The following TFDP2 variants were observed in gnomAD, a reference collection of about 807,000 sequenced individuals.
TFDP2 encodes transcription factor Dp-2.
A neutral mutation model predicts 59.3 loss-of-function variants in TFDP2; 17 were observed. The observed-to-expected ratio is 0.29, with a 90% CI of 0.20 to 0.43. The LOEUF is 0.43. Ranked by LOEUF, TFDP2 falls within the 20% of genes least tolerant of loss-of-function variation. The pLI is 1.00. For missense variants in TFDP2, 391 were observed against 528.8 expected, an observed-to-expected ratio of 0.74 and a Z score of 2.56; for synonymous variants, 180 against 194.7, an observed-to-expected ratio of 0.92 and a Z score of 0.63.
intron 6 of TFDP2, among the ~76,000 whole-genome samples, chr3:141,989,794 C>G (rs1182728129): frequency 1.3e-5 from 2 of 152,060 alleles, no homozygotes; most frequent in Non-Finnish European, 2.9e-5. Flanking sequence ...TTTCACTTTT[C>G]ATTATAATAA....
At chr3:142,064,283 T>C (rs2060006519) in intron 3 of TFDP2, among the ~76,000 whole-genome samples, 1 of 152,084 alleles carries the variant, frequency 6.6e-6, no homozygotes, top group Non-Finnish European at 1.5e-5. Context: ...AACATCAGCT[T>C]CTCCTGAGAA....
At chr3:141,955,152 CACATT>C (rs1936440585) in intron 11 of TFDP2, among the ~76,000 whole-genome samples, 2 of 152,184 alleles carry the variant, frequency 1.3e-5, no homozygotes, top group Admixed American at 1.3e-4. Flanking sequence ...GTGAGCATAA[CACATT>C]ACATTCTCTT....
chr3:142,102,832 T>C (rs1343279979), intron 1 of TFDP2, among the ~76,000 whole-genome samples: 1 of 152,204 alleles, frequency 6.6e-6, no homozygotes, highest in Non-Finnish European at 1.5e-5. Flanking sequence ...TGAGGAAATA[T>C]CAGAGAAATC....
At chr3:142,028,264 TG>T (rs1369774376) in intron 3 of TFDP2, among the ~76,000 whole-genome samples, 1 of 152,172 alleles carries the variant, frequency 6.6e-6, no homozygotes, top group Non-Finnish European at 1.5e-5. Flanking sequence ...GTAATAACCA[TG>T]AAGTACCTTT....
chr3:142,045,099 T>C (rs1947262023), intron 3 of TFDP2, among the ~76,000 whole-genome samples: 1 of 152,140 alleles, frequency 6.6e-6, no homozygotes. Flanking sequence ...AAGTATAATT[T>C]TTTTCTGTTT....
chr3:142,120,298 C>T (rs1386731107), intron 1 of TFDP2, among the ~76,000 whole-genome samples: 2 of 149,634 alleles, frequency 1.3e-5, no homozygotes, highest in Non-Finnish European at 3.0e-5. Context: ...AGAGGTGGAG[C>T]TTGCAGTGAG....
intron 3 of TFDP2, among the ~76,000 whole-genome samples, chr3:142,082,967 G>T (rs144909308): frequency 2.6e-5 from 4 of 151,954 alleles, no homozygotes; most frequent in Non-Finnish European, 5.9e-5. Context: ...ACACAACAAG[G>T]AAGCCTACTT....
Position 141,950,467 on chromosome 3 carries a change from A to C in TFDP2, c.*2046T>G, listed in dbSNP as rs1201470444. 1.3e-5 allele frequency: 2 copies of C among 152,646 alleles called. No homozygotes were observed. Among genetic ancestry groups the C allele is most frequent in the African/African-American group, 4.8e-5 (2 of 41,468 alleles). 9.5% of individuals were successfully genotyped at this position (152,646 alleles called of 1,614,324 possible). A position where few individuals can be genotyped will look rare whatever the true frequency, so the allele number is the denominator to read the frequency against. On this transcript the variant is annotated 3_prime_UTR_variant, in exon 13 of 13. Coordinates refer to ENST00000489671, the MANE Select transcript of TFDP2 (RefSeq NM_001178139.2). ...TATCAATTTAAAGCATGAGAGCAGC[A>C]GAGATGGAGAGTAGAGAAAAAAACA...
In TFDP2 at chr3:142,033,204, G is replaced by A. The variant is rs1946521782; in HGVS notation, c.83-27660C>T. ...AGTGAGACTCTGTCTTATAAAAATA[G>A]ATAAATACATAAAATTAAATTTAAA... On this transcript the variant is annotated intron_variant, in intron 3 of 12. Coordinates refer to ENST00000489671, the MANE Select transcript of TFDP2 (RefSeq NM_001178139.2). 2.6e-5 allele frequency among the ~76,000 whole-genome samples: 4 copies of A among 152,206 alleles called. No individual in the cohort carries two copies. The South Asian group carries it at 8.3e-4, about 32-fold the overall frequency.
intron 3 of TFDP2, among the ~76,000 whole-genome samples, chr3:142,042,061 T>A (rs982944757): frequency 6.6e-6 from 1 of 152,224 alleles, no homozygotes; most frequent in Non-Finnish European, 1.5e-5. Context: ...TTACTGCAGC[T>A]TTATAGTAGG....
chr3:142,056,819 A>T lies in TFDP2; in HGVS notation c.82+36242T>A, dbSNP rs147286871. Among the ~76,000 whole-genome samples the T allele has an allele frequency of 1.9e-4, 29 of 152,268 alleles. No individual in the cohort carries two copies. The East Asian group carries it at 5.6e-3, about 29-fold the overall frequency. ...AATATGTGAGCCATCCTGGAAGGAC[A>T]TCTTCCAGCCCTAGTCCAGCCTGCA... is the stretch of plus-strand genomic sequence containing the variant. On this transcript the variant is annotated intron_variant, in intron 3 of 12. Coordinates refer to ENST00000489671, the MANE Select transcript of TFDP2 (RefSeq NM_001178139.2).
intron 11 of TFDP2, among the ~76,000 whole-genome samples, chr3:141,953,761 T>C (rs376374904): frequency 1.3e-5 from 2 of 149,926 alleles, no homozygotes; most frequent in Admixed American, 6.6e-5. Context: ...TAGGTATATC[T>C]CCTAATGCTA....
At chr3:142,013,944 T>G (rs1360363370) in intron 3 of TFDP2, among the ~76,000 whole-genome samples, 2 of 152,218 alleles carry the variant, frequency 1.3e-5, no homozygotes, top group African/African-American at 4.8e-5. Flanking sequence ...TTTTTTTGCT[T>G]GAATTAGCTT....
chr3:142,105,646 C>A (rs557454218), intron 1 of TFDP2, among the ~76,000 whole-genome samples: 1 of 152,218 alleles, frequency 6.6e-6, no homozygotes, highest in South Asian at 2.1e-4. Context: ...ACTATTTCAG[C>A]ACAATATAGT....
chr3:142,024,817 C>T (rs1945936168), intron 3 of TFDP2, among the ~76,000 whole-genome samples: 1 of 152,030 alleles, frequency 6.6e-6, no homozygotes, highest in Non-Finnish European at 1.5e-5. Flanking sequence ...GTCAGGAGTT[C>T]GAGACCAGCC....
At chr3:142,076,959 G>C (rs1026186281) in intron 3 of TFDP2, among the ~76,000 whole-genome samples, 13 of 152,212 alleles carry the variant, frequency 8.5e-5, no homozygotes, top group Admixed American at 3.3e-4. Context: ...GTAGGAAAGA[G>C]AGTCTTGAAC....
intron 5 of TFDP2, among the ~76,000 whole-genome samples, chr3:141,994,079 T>C (rs1225296389): frequency 6.6e-6 from 1 of 152,228 alleles, no homozygotes; most frequent in Non-Finnish European, 1.5e-5. Flanking sequence ...ATAACACCCA[T>C]AGGATTCCAG....
Position 141,974,111 on chromosome 3 carries a change from T to C in TFDP2, c.600A>G (p.Glu200=), listed in dbSNP as rs1351993702. Residue 200 remains glutamate, a synonymous_variant, in exon 8 of 13, where the codon GAA becomes GAG. Coordinates refer to ENST00000489671, the MANE Select transcript of TFDP2 (RefSeq NM_001178139.2). ...VLMAMNIISK[E]KKEIKWIGLP... is the part of the protein sequence containing the mutation. ...GGCCAATCCACTTGATTTCTTTTTT[T>C]TCCTTTGAAATTATGTTCATTGCCA... is the stretch of plus-strand genomic sequence containing the variant. The C allele has an allele frequency of 3.8e-5, 62 of 1,613,336 alleles. 1 individual carries two copies. Among genetic ancestry groups the C allele is most frequent in the Admixed American group, 3.3e-4 (20 of 59,920 alleles).
At chr3:142,114,028 G>A (rs1560158747) in intron 1 of TFDP2, among the ~76,000 whole-genome samples, 1 of 152,142 alleles carries the variant, frequency 6.6e-6, no homozygotes, top group Non-Finnish European at 1.5e-5. Flanking sequence ...AGCCAGGCGT[G>A]ATGGCGGGCG....
Sources: allele counts gnomAD v4.1 joint callset (sites outside exome capture counted in the v4.1 genomes callset), GRCh38; gene constraint gnomAD v4.1.1; transcripts MANE v1.5; gene names NCBI Gene and HGNC (gene_info 2026-07-23, HGNC 2026-07-21).